ITPR1: variants seen among roughly 807,000 people sequenced by gnomAD.
ITPR1 encodes inositol 1,4,5-trisphosphate-gated calcium channel ITPR1.
In ITPR1, 96 loss-of-function variants were observed where a neutral mutation model predicts 318.4. The observed-to-expected ratio is 0.30, with a 90% CI of 0.26 to 0.36. The LOEUF (loss-of-function observed/expected upper bound fraction) is 0.36. ITPR1 is among the 10% of genes least tolerant of loss of function. The pLI, the probability that ITPR1 is intolerant of heterozygous loss-of-function variation, is 1.00. For synonymous variants in ITPR1, 1,312 were observed against 1,289.9 expected (o/e 1.02, Z -0.37); for missense variants, 2,440 against 3,460.2 (o/e 0.71, Z 7.40).
intron 4 of ITPR1, among the ~76,000 whole-genome samples, chr3:4,539,357 A>T (rs114123571): frequency 1.3e-5 from 2 of 152,150 alleles, no homozygotes; most frequent in Admixed American, 6.6e-5. Context: ...ATCAAATTTT[A>T]TGCATGTTCT....
chr3:4,515,323 A>G (rs913439044), intron 2 of ITPR1, among the ~76,000 whole-genome samples: 1 of 152,170 alleles, frequency 6.6e-6, no homozygotes, highest in African/African-American at 2.4e-5. Context: ...AGGAGACACA[A>G]TACCGTTCCA....
chr3:4,717,849 A>G (rs2041883658), intron 40 of ITPR1, among the ~76,000 whole-genome samples: 1 of 152,226 alleles, frequency 6.6e-6, no homozygotes, highest in East Asian at 1.9e-4. Flanking sequence ...CTACGTATTG[A>G]AAAGTATTGA....
intron 4 of ITPR1, among the ~76,000 whole-genome samples, chr3:4,603,442 G>C (rs1403217634): frequency 2.6e-5 from 4 of 151,704 alleles, no homozygotes; most frequent in Non-Finnish European, 5.9e-5. Context: ...TTTTGTTTTT[G>C]TTTTTGAGAC....
In ITPR1 at chr3:4,652,068, A is replaced by G. The variant is rs2093609773; in HGVS notation, c.856-55A>G. On this transcript the variant is annotated intron_variant, in intron 10 of 61. Transcript: ENST00000649015. Reference sequence around the variant, plus strand: ...TATGACTTGTGATACCTCCGATTTAATGTCTTCCTAGTGTAGGTTGACATT... The same window carrying G: ...TATGACTTGTGATACCTCCGATTTAGTGTCTTCCTAGTGTAGGTTGACATT... The G allele has an allele frequency of 6.8e-6, 9 of 1,324,308 alleles. No homozygotes were observed. In the South Asian group the frequency reaches 1.1e-4, roughly 16 times the overall value. The allele number at this position is 1,324,308 out of a possible 1,614,324, so 82.0% of individuals were successfully genotyped here. A position where few individuals can be genotyped will look rare whatever the true frequency, so the allele number is the denominator to read the frequency against.
chr3:4,699,849 T>C lies in ITPR1; in HGVS notation c.4444T>C (p.Ser1482Pro), dbSNP rs1349447256. 1.2e-6 allele frequency: 2 copies of C among 1,613,784 alleles called. No homozygotes were observed. Among genetic ancestry groups the C allele is most frequent in the Non-Finnish European group, 1.7e-6 (2 of 1,179,802 alleles). The change falls in exon 35 of 62, where the codon TCG becomes CCG. Residue 1482 changes from serine to proline, a missense_variant. Transcript: ENST00000649015. ...CACTAGTGACAGGAAACATGCAGAC[T>C]CGATTTTGGAGAAGTATGTCACCGA... ...NNTSDRKHAD[S>P]ILEKYVTEIV... is the part of the protein sequence containing the mutation.
At chr3:4,601,219 T>C (rs932551704) in intron 4 of ITPR1, among the ~76,000 whole-genome samples, 3 of 139,226 alleles carry the variant, frequency 2.2e-5, no homozygotes, top group Non-Finnish European at 4.6e-5. Context: ...GATTTCCACA[T>C]GCAAAAAAGT....
At position 4,697,455 on chromosome 3, in the gene ITPR1, C is replaced by CTTTTTTTTTTTTTTT. The variant is rs369934199; in HGVS notation, c.4407+197_4407+198insTTTTTTTTTTTTTTT. Among the ~76,000 whole-genome samples the CTTTTTTTTTTTTTTT allele has an allele frequency of 2.2e-3, 191 of 86,740 alleles. 35 individuals carry two copies. The highest frequency in any genetic ancestry group is 5.3e-3 in the Middle Eastern group (1 of 188). The allele number at this position is 86,740 out of a possible 152,430, so 56.9% of individuals were successfully genotyped here. ...CTTTCTTCTCATGTATCCTTTCTTCCTTTTTTTTTTTTTTGAGCTGGAGTC... is the reference window on the plus strand; with the variant it reads ...CTTTCTTCTCATGTATCCTTTCTTCCTTTTTTTTTTTTTTTTTTTTTTTTTTTTTGAGCTGGAGTC... On this transcript the variant is annotated intron_variant, in intron 34 of 61. Transcript: ENST00000649015.
chr3:4,559,407 G>A (rs1165934268), intron 4 of ITPR1, among the ~76,000 whole-genome samples: 1 of 152,158 alleles, frequency 6.6e-6, no homozygotes, highest in East Asian at 1.9e-4. Context: ...TGGTTAAAAA[G>A]TATAGACAAC....
intron 24 of ITPR1, among the ~76,000 whole-genome samples, 163 bp downstream of exon 24, chr3:4,676,964 C>T (rs1177550599): frequency 6.6e-6 from 1 of 152,168 alleles, no homozygotes; most frequent in Non-Finnish European, 1.5e-5. Context: ...CTCTTAATCC[C>T]TTTACTGCTT....
rs568902794 is a variant in ITPR1 at position 4,627,467 on chromosome 3, A to G, written c.164-296A>G. The stretch of plus-strand genomic sequence containing the variant: ...TGACAGAGGGAGACTCAGTCTTAAA[A>G]ACAAAAACAAAAAAGCAAAACAAAC... On this transcript the variant is annotated intron_variant, in intron 4 of 61. Transcript: ENST00000649015. 9.2e-5 allele frequency among the ~76,000 whole-genome samples: 14 copies of G among 151,638 alleles called. No individual in the cohort carries two copies. The East Asian group carries it at 2.7e-3, about 29-fold the overall frequency.
At chr3:4,684,102 C>A (rs1042848783) in intron 28 of ITPR1, among the ~76,000 whole-genome samples, 179 bp from the exon 29 acceptor site, 3 of 152,266 alleles carry the variant, frequency 2.0e-5, no homozygotes, top group Non-Finnish European at 4.4e-5. Flanking sequence ...CAGCCCACTA[C>A]TATCCCTTCC....
At position 4,553,601 on chromosome 3, in the gene ITPR1, C is replaced by CTTTT. The variant is rs35264136; in HGVS notation, c.163+32520_163+32523dup. Among the ~76,000 whole-genome samples the CTTTT allele has an allele frequency of 3.0e-5, 4 of 134,342 alleles. 1 individual carries two copies. Among genetic ancestry groups the CTTTT allele is most frequent in the Non-Finnish European group, 3.1e-5 (2 of 64,122 alleles). 88.1% of individuals were successfully genotyped at this position (134,342 alleles called of 152,430 possible). A position where few individuals can be genotyped will look rare whatever the true frequency, so the allele number is the denominator to read the frequency against. Reference sequence around the variant, plus strand: ...GCGTGCCACCACGCCTGGATAATTTCTTTTTTTTTTTTTTTTGAGACAGAG... The same window carrying CTTTT: ...GCGTGCCACCACGCCTGGATAATTTCTTTTTTTTTTTTTTTTTTTTGAGACAGAG... On this transcript the variant is annotated intron_variant, in intron 4 of 61. Transcript: ENST00000649015.
intron 60 of ITPR1, among the ~76,000 whole-genome samples, chr3:4,818,987 T>C (rs532115678): frequency 6.6e-6 from 1 of 151,670 alleles, no homozygotes; most frequent in Non-Finnish European, 1.5e-5. Flanking sequence ...ATCGAGGGAG[T>C]CTCTGTGATT....
At chr3:4,644,357 C>T (rs891175957) in intron 8 of ITPR1, 123 bp downstream of exon 8, 12 of 651,106 alleles carry the variant, frequency 1.8e-5, no homozygotes, top group Admixed American at 5.1e-5. Flanking sequence ...GCCCATTCTG[C>T]AGGTGAAGAA....
At chr3:4,540,586 G>A (rs931292638) in intron 4 of ITPR1, among the ~76,000 whole-genome samples, 2 of 152,020 alleles carry the variant, frequency 1.3e-5, no homozygotes, top group Admixed American at 6.5e-5. Context: ...GTGTATGTGT[G>A]TGTGCACGTG....
chr3:4,633,729 A>T (rs1194419917), intron 5 of ITPR1, among the ~76,000 whole-genome samples: 1 of 152,340 alleles, frequency 6.6e-6, no homozygotes, highest in South Asian at 2.1e-4. Context: ...GGCCATTACT[A>T]CTGTTTTCTG....
intron 5 of ITPR1, among the ~76,000 whole-genome samples, chr3:4,636,375 T>C (rs1354409547): frequency 6.6e-6 from 1 of 152,232 alleles, no homozygotes; most frequent in East Asian, 1.9e-4. Context: ...ATTAAAATAG[T>C]ATTAACTCTT....
At chr3:4,583,012 C>G (rs538935844) in intron 4 of ITPR1, among the ~76,000 whole-genome samples, 44 of 152,302 alleles carry the variant, frequency 2.9e-4, no homozygotes, top group African/African-American at 8.9e-4. Flanking sequence ...TTTACTTTAG[C>G]AATCTTCCTC....
At chr3:4,612,216 C>T (rs143403778) in intron 4 of ITPR1, among the ~76,000 whole-genome samples, 1 of 151,986 alleles carries the variant, frequency 6.6e-6, no homozygotes, top group Non-Finnish European at 1.5e-5. Context: ...CGCCCACCAC[C>T]ACGCCTGGCT....
Sources: gnomAD v4.1 joint callset for allele counts (sites outside exome capture counted in the v4.1 genomes callset) on GRCh38, gnomAD v4.1.1 for gene constraint, MANE v1.5 for transcripts, NCBI Gene and HGNC (gene_info 2026-07-23, HGNC 2026-07-21) for gene names.